Variants in ZNF804B observed in about 807,000 individuals in gnomAD.
The protein encoded by ZNF804B is zinc finger protein 804B, also known as zinc finger 804B.
A neutral mutation model predicts 101.4 loss-of-function variants in ZNF804B; 80 were observed. The ratio of observed to expected loss-of-function variants is 0.79; its 90% CI spans 0.66 to 0.95. ZNF804B has a LOEUF of 0.95. ZNF804B is among the 40% of genes least tolerant of loss of function. The pLI, the probability that ZNF804B is intolerant of heterozygous loss-of-function variation, is 0.00. For missense variants in ZNF804B, 1,673 were observed against 1,561.9 expected, an observed-to-expected ratio of 1.07 and a Z score of -1.20; for synonymous variants, 622 against 558.8, an observed-to-expected ratio of 1.11 and a Z score of -1.59.
chr7:89,044,614 G>C (rs939232849), intron 1 of ZNF804B, among the ~76,000 whole-genome samples: 1 of 152,096 alleles, frequency 6.6e-6, no homozygotes, highest in Admixed American at 6.6e-5. Flanking sequence ...AGGTTGAGGT[G>C]GTCTCAGATG....
intron 1 of ZNF804B, among the ~76,000 whole-genome samples, chr7:88,995,974 T>C (rs1219019725): frequency 2.6e-5 from 4 of 151,942 alleles, no homozygotes; most frequent in Non-Finnish European, 4.4e-5. Flanking sequence ...ACAAGGCAAG[T>C]CTGAGAAATT....
intron 1 of ZNF804B, among the ~76,000 whole-genome samples, chr7:89,171,288 G>GCTGCTGCTGCTGCCTCTT (rs1215246589): frequency 2.4e-5 from 2 of 82,486 alleles, no homozygotes; most frequent in African/African-American, 9.7e-5. Context: ...TGCTGCTGCT[G>GCTGCTGCTGCTGCCTCTT]CTTCTTCTTC....
At chr7:89,056,419 G>A (rs73707737) in intron 1 of ZNF804B, among the ~76,000 whole-genome samples, 5,275 of 152,114 alleles carry the variant, frequency 0.035, 293 homozygotes, top group African/African-American at 0.12. Flanking sequence ...AGTTGAAAAC[G>A]GGGTTTGAGG....
At chr7:89,218,086 G>A in intron 1 of ZNF804B, 69 bp from the exon 2 acceptor site, 2 of 1,469,740 alleles carry the variant, frequency 1.4e-6, no homozygotes, top group Middle Eastern at 1.9e-4. Context: ...ATACCACCTT[G>A]ATTAATACGA....
At chr7:89,079,784 C>T (rs187567669) in intron 1 of ZNF804B, among the ~76,000 whole-genome samples, 2 of 152,016 alleles carry the variant, frequency 1.3e-5, no homozygotes, top group East Asian at 3.9e-4. Context: ...TTGCCGATAT[C>T]CAGGGGAAAA....
chr7:89,056,489 G>A (rs1789297277), intron 1 of ZNF804B, among the ~76,000 whole-genome samples: 2 of 152,094 alleles, frequency 1.3e-5, no homozygotes, highest in Non-Finnish European at 2.9e-5. Flanking sequence ...GAGACGTAAG[G>A]TCAGGGGAAG....
chr7:88,933,262 A>T (rs1209919572), intron 1 of ZNF804B, among the ~76,000 whole-genome samples: 5 of 151,756 alleles, frequency 3.3e-5, no homozygotes, highest in African/African-American at 9.7e-5. Flanking sequence ...ATAATAAAAA[A>T]CCTCAACCAA....
At chr7:88,962,718 T>C (rs1258550097) in intron 1 of ZNF804B, among the ~76,000 whole-genome samples, 12 of 87,360 alleles carry the variant, frequency 1.4e-4, no homozygotes, top group African/African-American at 2.1e-4. Flanking sequence ...CATATATATA[T>C]ATATATATAT....
At chr7:88,950,108 A>G (rs1793195165) in intron 1 of ZNF804B, among the ~76,000 whole-genome samples, 1 of 151,942 alleles carries the variant, frequency 6.6e-6, no homozygotes. Flanking sequence ...TCTGATAGAT[A>G]CCTTAGGATT....
At chr7:88,973,464 T>G (rs1793566672) in intron 1 of ZNF804B, among the ~76,000 whole-genome samples, 1 of 151,372 alleles carries the variant, frequency 6.6e-6, no homozygotes, top group South Asian at 2.1e-4. Context: ...TGATCAAAGA[T>G]GAACATGTAT....
chr7:89,139,558 G>C (rs1298811022), intron 1 of ZNF804B, among the ~76,000 whole-genome samples: 3 of 151,940 alleles, frequency 2.0e-5, no homozygotes, highest in African/African-American at 7.2e-5. Context: ...CAAATCCTCT[G>C]CTGTCATTTC....
At chr7:89,042,319 G>A (rs143805115) in intron 1 of ZNF804B, among the ~76,000 whole-genome samples, 2,598 of 152,254 alleles carry the variant, frequency 0.017, 35 homozygotes, top group Non-Finnish European at 0.026. Context: ...TCTGTTTGAA[G>A]TCTTCTCACT....
intron 1 of ZNF804B, among the ~76,000 whole-genome samples, chr7:89,041,701 A>G (rs1253460516): frequency 6.6e-6 from 1 of 152,172 alleles, no homozygotes; most frequent in African/African-American, 2.4e-5. Context: ...TTCCTCGAGC[A>G]GGACACAACT....
At chr7:89,147,945 A>G (rs1790815082) in intron 1 of ZNF804B, among the ~76,000 whole-genome samples, 1 of 151,952 alleles carries the variant, frequency 6.6e-6, no homozygotes, top group African/African-American at 2.4e-5. Context: ...AATGAAATAT[A>G]TAATAGAAAT....
At chr7:89,166,344 G>A (rs1236079917) in intron 1 of ZNF804B, among the ~76,000 whole-genome samples, 2 of 152,088 alleles carry the variant, frequency 1.3e-5, no homozygotes, top group African/African-American at 4.8e-5. Flanking sequence ...ATAACCTGCT[G>A]TTGACAGGAA....
At position 89,095,287 on chromosome 7, in the gene ZNF804B, C is replaced by A. The variant is rs146373287; in HGVS notation, c.109-122868C>A. The stretch of plus-strand genomic sequence containing the variant: ...CGGTCACAAAATGCCATCTTGGAAG[C>A]AGAGAGCAGCCCTTGCCAGACACAC... On this transcript the variant is annotated intron_variant, in intron 1 of 3. Coordinates refer to ENST00000333190, the MANE Select transcript of ZNF804B (RefSeq NM_181646.5). Among the ~76,000 whole-genome samples the A allele has an allele frequency of 9.8e-5, 15 of 152,296 alleles. No individual in the cohort carries two copies. The East Asian group carries it at 2.9e-3, about 29-fold the overall frequency.
At chr7:89,308,019 T>C (rs1037767395) in intron 2 of ZNF804B, among the ~76,000 whole-genome samples, 31 of 152,130 alleles carry the variant, frequency 2.0e-4, no homozygotes, top group Non-Finnish European at 2.9e-4. Flanking sequence ...AGTTGTACTT[T>C]TGAAAAACAA....
intron 1 of ZNF804B, among the ~76,000 whole-genome samples, chr7:89,102,880 C>T (rs531017082): frequency 1.3e-5 from 2 of 151,676 alleles, no homozygotes; most frequent in Admixed American, 6.6e-5. Flanking sequence ...AGATAGGTGT[C>T]CAGCTTCATT....
intron 1 of ZNF804B, among the ~76,000 whole-genome samples, chr7:89,167,020 T>C (rs1791154140): frequency 6.6e-6 from 1 of 152,184 alleles, no homozygotes; most frequent in Non-Finnish European, 1.5e-5. Context: ...TAGATTTGTG[T>C]ATATTTTAAA....
Sources: allele counts gnomAD v4.1 joint callset (sites outside exome capture counted in the v4.1 genomes callset), GRCh38; gene constraint gnomAD v4.1.1; transcripts MANE v1.5; gene names NCBI Gene and HGNC (gene_info 2026-07-23, HGNC 2026-07-21).